The following PLCB1 variants were observed in gnomAD, a reference collection of about 807,000 sequenced individuals.
The protein encoded by PLCB1 is 1-phosphatidylinositol 4,5-bisphosphate phosphodiesterase beta-1.
A neutral mutation model predicts 161.8 loss-of-function variants in PLCB1; 46 were observed. The observed-to-expected ratio is 0.28, with a 90% CI of 0.22 to 0.36. The LOEUF is 0.36. PLCB1 is among the 10% of genes least tolerant of loss of function. PLCB1 has a pLI of 1.00. For synonymous variants in PLCB1, 517 were observed against 503.7 expected (o/e 1.03, Z -0.35); for missense variants, 1,016 against 1,472.5 (o/e 0.69, Z 5.07).
intron 9 of PLCB1, among the ~76,000 whole-genome samples, chr20:8,674,238 C>G (rs558335244): frequency 3.9e-5 from 6 of 152,148 alleles, no homozygotes; most frequent in African/African-American, 1.4e-4. Flanking sequence ...GAAATATAAA[C>G]AGCATATGAG....
At chr20:8,398,259 T>A (rs1005972051) in intron 3 of PLCB1, among the ~76,000 whole-genome samples, 1 of 152,192 alleles carries the variant, frequency 6.6e-6, no homozygotes, top group African/African-American at 2.4e-5. Flanking sequence ...TATGTATTTA[T>A]ACACACATAT....
At chr20:8,732,331 A>G (rs1163074075) in intron 18 of PLCB1, among the ~76,000 whole-genome samples, 44 of 152,060 alleles carry the variant, frequency 2.9e-4, no homozygotes, top group Admixed American at 2.7e-3. Context: ...TCTGAAGGGC[A>G]TTTTAGCAAG....
chr20:8,762,709 C>T (rs1982106048), intron 25 of PLCB1, among the ~76,000 whole-genome samples: 1 of 152,108 alleles, frequency 6.6e-6, no homozygotes, highest in Non-Finnish European at 1.5e-5. Flanking sequence ...CTGGTTTTCT[C>T]CATGGCCTCA....
intron 3 of PLCB1, chr20:8,625,194 A>G (rs1263536912): frequency 2.6e-5 from 4 of 152,188 alleles, no homozygotes; most frequent in African/African-American, 9.7e-5. Flanking sequence ...TGTTTTCATC[A>G]AATTCCTTCT....
chr20:8,160,010 A>G (rs1450126040), intron 2 of PLCB1, among the ~76,000 whole-genome samples: 1 of 146,618 alleles, frequency 6.8e-6, no homozygotes, highest in Admixed American at 6.8e-5. Flanking sequence ...AAAAAAAAAG[A>G]AAAAAAGAAA....
Position 8,649,392 on chromosome 20 carries a change from A to G in PLCB1, c.537A>G (p.Ser179=). The G allele has an allele frequency of 6.2e-7, 1 of 1,613,594 alleles. No homozygotes were observed. The highest frequency in any genetic ancestry group is 8.5e-7 in the Non-Finnish European group (1 of 1,179,532). Residue 179 remains serine (S), a synonymous_variant, in exon 7 of 32, where the codon TCA becomes TCG. Coordinates refer to ENST00000338037, the MANE Select transcript of PLCB1 (RefSeq NM_015192.4). ...TTCACAGCATATATCGCTTGTTTTC[A>G]GCAGATCGGAAGCGAGTTGAAACTG... ...IPLKNIYRLF[S]ADRKRVETAL... is the part of the protein sequence containing the mutation.
At chr20:8,642,603 T>C (rs4813867) in intron 4 of PLCB1, among the ~76,000 whole-genome samples, 65,040 of 152,072 alleles carry the variant, frequency 0.43, 15,231 homozygotes, top group African/African-American at 0.63. Flanking sequence ...AAATATAAAA[T>C]ATTAAAAAAT....
At chr20:8,417,557 A>G (rs940101032) in intron 3 of PLCB1, among the ~76,000 whole-genome samples, 2 of 152,004 alleles carry the variant, frequency 1.3e-5, no homozygotes, top group Non-Finnish European at 2.9e-5. Context: ...TACAACTACA[A>G]TGTTGAATAG....
At chr20:8,780,723 G>A (rs1392035672) in intron 27 of PLCB1, among the ~76,000 whole-genome samples, 3 of 152,108 alleles carry the variant, frequency 2.0e-5, no homozygotes, top group Non-Finnish European at 4.4e-5. Flanking sequence ...GAGCCCACCA[G>A]GACAAGCAAT....
At chr20:8,484,903 G>A (rs1334142335) in intron 3 of PLCB1, among the ~76,000 whole-genome samples, 2 of 152,130 alleles carry the variant, frequency 1.3e-5, no homozygotes, top group Non-Finnish European at 2.9e-5. Flanking sequence ...GTGCATGTGG[G>A]TACCAGGTGA....
intron 4 of PLCB1, among the ~76,000 whole-genome samples, chr20:8,636,772 A>G (rs1988775275): frequency 6.6e-6 from 1 of 152,168 alleles, no homozygotes; most frequent in Admixed American, 6.5e-5. Flanking sequence ...CTGAAGGGAA[A>G]ATGTCAACGC....
rs189453996 is a variant in PLCB1 at position 8,694,642 on chromosome 20, C to G, written c.1010-2984C>G. 1.6e-3 allele frequency among the ~76,000 whole-genome samples: 241 copies of G among 152,288 alleles called. 3 individuals are homozygous for G. The highest frequency in any genetic ancestry group is 3.8e-4 in the Non-Finnish European group (26 of 68,022). ...GCTCTAGTGTCTGTTAGGTATTTATCTACTTTGATACACTGTTAAATCTGA... is the reference window on the plus strand; with the variant it reads ...GCTCTAGTGTCTGTTAGGTATTTATGTACTTTGATACACTGTTAAATCTGA... On this transcript the variant is annotated intron_variant, in intron 10 of 31. Transcript: ENST00000338037.
In PLCB1 at chr20:8,568,535, C is replaced by T. The variant is rs549802215; in HGVS notation, c.247-59759C>T. Among the ~76,000 whole-genome samples, 24 of 152,270 alleles carry T rather than the reference C, an allele frequency of 1.6e-4. 1 individual carries two copies. The highest frequency in any genetic ancestry group is 7.2e-4 in the Admixed American group (11 of 15,290). ...TAAATATTCCTTTTAGCTTAAAAGTCATAAAAATCATTAGTTATTTTTGCT... is the reference window on the plus strand; with the variant it reads ...TAAATATTCCTTTTAGCTTAAAAGTTATAAAAATCATTAGTTATTTTTGCT... On this transcript the variant is annotated intron_variant, in intron 3 of 31. Coordinates refer to ENST00000338037, the MANE Select transcript of PLCB1 (RefSeq NM_015192.4).
intron 3 of PLCB1, among the ~76,000 whole-genome samples, chr20:8,609,971 A>G (rs1256574644): frequency 1.3e-5 from 2 of 152,210 alleles, no homozygotes; most frequent in Non-Finnish European, 2.9e-5. Context: ...TAGTATATTC[A>G]TAGATGTAAA....
At chr20:8,776,943 C>T (rs188274012) in intron 27 of PLCB1, among the ~76,000 whole-genome samples, 40 of 152,014 alleles carry the variant, frequency 2.6e-4, no homozygotes, top group African/African-American at 8.2e-4. Context: ...AGAGTAGGCA[C>T]GGAAAGGTTT....
intron 2 of PLCB1, among the ~76,000 whole-genome samples, chr20:8,162,740 T>C (rs2051638541): frequency 6.6e-6 from 1 of 152,210 alleles, no homozygotes; most frequent in Admixed American, 6.5e-5. Flanking sequence ...AAATGAATGC[T>C]TAAGTGAAAA....
chr20:8,781,386 TCACACACACAAACACACA>T (rs1568597274), intron 27 of PLCB1, among the ~76,000 whole-genome samples: 1 of 142,802 alleles, frequency 7.0e-6, no homozygotes, highest in East Asian at 2.1e-4. Flanking sequence ...CCAGTGGGAT[TCACACACACAAACACACA>T]CACACACACA....
intron 31 of PLCB1, among the ~76,000 whole-genome samples, chr20:8,832,760 C>T (rs546561018): frequency 4.6e-5 from 7 of 152,298 alleles, no homozygotes; most frequent in Admixed American, 2.6e-4. Flanking sequence ...TTCCTGAAAA[C>T]GAACTTTACC....
chr20:8,549,224 T>TC (rs1985683635), intron 3 of PLCB1, among the ~76,000 whole-genome samples: 2 of 152,134 alleles, frequency 1.3e-5, no homozygotes, highest in Non-Finnish European at 2.9e-5. Context: ...AAACCTGCTT[T>TC]GTCAGGTACT....
Sources: allele counts gnomAD v4.1 joint callset (sites outside exome capture counted in the v4.1 genomes callset), GRCh38; gene constraint gnomAD v4.1.1; transcripts MANE v1.5; gene names NCBI Gene and HGNC (gene_info 2026-07-23, HGNC 2026-07-21).